Variants in HERC1 observed in about 807,000 individuals in gnomAD.
The protein encoded by HERC1 is HECT and RLD domain containing E3 ubiquitin protein ligase family member 1, also known as probable E3 ubiquitin-protein ligase HERC1.
HERC1 carries 160 observed loss-of-function variants against 554.3 expected under a neutral mutation model. The ratio of observed to expected loss-of-function variants is 0.29; its 90% CI spans 0.25 to 0.33. The LOEUF (loss-of-function observed/expected upper bound fraction) is 0.33. Among genes scored for constraint, HERC1 ranks in the 10% least tolerant of loss-of-function variants. The pLI, the probability that HERC1 is intolerant of heterozygous loss-of-function variation, is 1.00. For synonymous variants in HERC1, 2,175 were observed against 2,131.7 expected (o/e 1.02, Z -0.56); for missense variants, 4,919 against 5,918.5 (o/e 0.83, Z 5.54).
rs939356117 is a variant in HERC1, at chr15:63,692,439, T to C, written c.5802A>G (p.Leu1934=). 24 of 1,611,290 alleles carry C rather than the reference T, an allele frequency of 1.5e-5. No homozygotes were observed. The highest frequency in any genetic ancestry group is 1.9e-5 in the Non-Finnish European group (22 of 1,179,188). The change falls in exon 31 of 78, where the codon CTA becomes CTG. Residue 1934 remains leucine, a synonymous_variant. Transcript: ENST00000443617. This position sits in a 1 kb window ranked among gnomAD's most constrained non-coding sequence, Gnocchi z 4.7. The stretch of plus-strand genomic sequence containing the variant: ...AAGAACATTTCTGAGATGCTATATT[T>C]AGAAGCACTTCGGTCCACTTTGGGG... ...MASPKWTEVL[L]NIASQKCSSG...
intron 1 of HERC1, among the ~76,000 whole-genome samples, chr15:63,816,128 T>A (rs2077486013): frequency 6.6e-6 from 1 of 152,104 alleles, no homozygotes; most frequent in African/African-American, 2.4e-5. Context: ...GTTCCTCAGA[T>A]CACTAGTTCC....
At chr15:63,798,324 T>C (rs1158545558) in intron 1 of HERC1, among the ~76,000 whole-genome samples, 1 of 152,180 alleles carries the variant, frequency 6.6e-6, no homozygotes, top group Non-Finnish European at 1.5e-5. Flanking sequence ...GCTTAACCAG[T>C]TAAAGACTAA....
chr15:63,723,193 G>GC lies in HERC1; in HGVS notation c.3730dup (p.Ala1244GlyfsTer3). ...CTTCTTTATCTTACCTTTACTAACAGCATAGTCCTGCATGCTGATCCAAAG... is the reference window on the plus strand; with the variant it reads ...CTTCTTTATCTTACCTTTACTAACAGCCATAGTCCTGCATGCTGATCCAAAG... On this transcript the variant is annotated frameshift_variant, in exon 19 of 78. Coordinates refer to ENST00000443617, the MANE Select transcript of HERC1 (RefSeq NM_003922.4). LOFTEE classifies it high-confidence loss of function. 6.5e-7 allele frequency: 1 copy of GC among 1,526,862 alleles called. No homozygotes were observed. Among genetic ancestry groups the GC allele is most frequent in the Non-Finnish European group, 8.8e-7 (1 of 1,134,782 alleles). 94.6% of individuals were successfully genotyped at this position (1,526,862 alleles called of 1,614,324 possible).
intron 38 of HERC1, 149 bp from the exon 39 acceptor site, chr15:63,672,843 A>G: frequency 1.6e-6 from 1 of 623,452 alleles, no homozygotes; most frequent in Non-Finnish European, 2.8e-6. Flanking sequence ...ACAGAAAAAA[A>G]TATTCTTACT....
At position 63,706,830 on chromosome 15, in the gene HERC1, C is replaced by A. The variant is rs764779171; in HGVS notation, c.4586G>T (p.Ser1529Ile). The change falls in exon 25 of 78, where the codon AGT becomes ATT. Residue 1529 changes from serine (S) to isoleucine (I), a missense_variant and splice_region_variant. Around this residue, in one of 11 missense-constraint regions of HERC1, gnomAD observed 1,121 missense variants for 1,244.0 expected, o/e 0.90. Coordinates refer to ENST00000443617, the MANE Select transcript of HERC1 (RefSeq NM_003922.4). ...PESDEEGYAL[S>I]GRRNVDLDLA... is the part of the protein sequence containing the mutation. ...ATCCAAATCAACATTTCGTCTGCCA[C>A]TCTATTAAAAGTAAAAAGTAAATAA... The A allele has an allele frequency of 7.8e-6, 12 of 1,533,822 alleles. No homozygotes were observed. Among genetic ancestry groups the A allele is most frequent in the Middle Eastern group, 3.4e-4 (2 of 5,898 alleles).
At position 63,775,312 on chromosome 15, in the gene HERC1, T is replaced by C; in HGVS notation, c.312A>G (p.Arg104=). 6.2e-7 allele frequency: 1 copy of C among 1,614,036 alleles called. No individual in the cohort carries two copies. Among genetic ancestry groups the C allele is most frequent in the Non-Finnish European group, 8.5e-7 (1 of 1,179,882 alleles). ...CACGCTGGAGTACAAGCAGTCGTTT[T>C]CTAAGTGCCCCGGCAAATGGGGAAT... ...CSDSPFAGAL[R]KRLLVLQRVF... Residue 104 remains arginine (R), a synonymous_variant, in exon 2 of 78, where the codon AGA becomes AGG. Transcript: ENST00000443617. This position sits in a 1 kb window ranked among gnomAD's most constrained non-coding sequence, Gnocchi z 4.0.
intron 1 of HERC1, among the ~76,000 whole-genome samples, chr15:63,814,048 A>G (rs1434444684): frequency 6.6e-6 from 1 of 152,170 alleles, no homozygotes; most frequent in African/African-American, 2.4e-5. Context: ...GACAAGCGCA[A>G]AACTCCATCT....
At chr15:63,759,061 T>C (rs1213498237) in intron 3 of HERC1, among the ~76,000 whole-genome samples, 2 of 152,304 alleles carry the variant, frequency 1.3e-5, no homozygotes, top group Middle Eastern at 3.4e-3. Context: ...ATTTAGAGTC[T>C]ATTTATTTGT....
At chr15:63,619,112 G>A (rs2067953956) in intron 74 of HERC1, among the ~76,000 whole-genome samples, 1 of 152,170 alleles carries the variant, frequency 6.6e-6, no homozygotes, top group African/African-American at 2.4e-5. Context: ...TGCCCATTCA[G>A]TATGATATTG....
Position 63,734,849 on chromosome 15 carries a change from C to A in HERC1, c.2521G>T (p.Val841Leu), listed in dbSNP as rs756443576. ...DSTVPDEIQE[V>L]VIETLSVGAT... ...CCCACTGATAAAGTTTCAATTACCA[C>A]CTAATATCAAAAGAGAAAAGTATAC... Residue 841 changes from valine (V) to leucine (L), a missense_variant and splice_region_variant, in exon 13 of 78, where the codon GTG becomes TTG. Physicochemically the swap from Val to Leu is conservative, Grantham distance 32 (BLOSUM62 1). Around this residue, in one of 11 missense-constraint regions of HERC1, gnomAD observed 744 missense variants for 1,090.0 expected, o/e 0.68. Transcript: ENST00000443617. This position sits in a 1 kb window ranked among gnomAD's most constrained non-coding sequence, Gnocchi z 4.6. 6.2e-7 allele frequency: 1 copy of A among 1,608,966 alleles called. No individual in the cohort carries two copies. The highest frequency in any genetic ancestry group is 8.5e-7 in the Non-Finnish European group (1 of 1,177,576).
chr15:63,680,253 A>G lies in HERC1; in HGVS notation c.6466-93T>C. 2.0e-6 allele frequency: 2 copies of G among 975,838 alleles called. No individual in the cohort carries two copies. The highest frequency in any genetic ancestry group is 1.5e-6 in the Non-Finnish European group (1 of 648,734). The allele number at this position is 975,838 out of a possible 1,614,324, so 60.4% of individuals were successfully genotyped here. On this transcript the variant is annotated intron_variant, in intron 35 of 77. Transcript: ENST00000443617. This position sits in a 1 kb window ranked among gnomAD's most constrained non-coding sequence, Gnocchi z 5.8. ...CACATTAGAATTGAAAGCTTTTATG[A>G]GACAGAACAAAAGTTACTAGATCAA...
At chr15:63,814,659 G>C (rs1206864345) in intron 1 of HERC1, among the ~76,000 whole-genome samples, 1 of 152,150 alleles carries the variant, frequency 6.6e-6, no homozygotes, top group Admixed American at 6.5e-5. Flanking sequence ...AGTAGAGACA[G>C]GGTTTTGCCA....
intron 8 of HERC1, among the ~76,000 whole-genome samples, chr15:63,750,439 G>A (rs2075197155): frequency 6.6e-6 from 1 of 152,220 alleles, no homozygotes; most frequent in South Asian, 2.1e-4. Flanking sequence ...ATAGGTGACT[G>A]ACTGACAATT....
At chr15:63,693,717 G>A (rs1486062344) in intron 30 of HERC1, among the ~76,000 whole-genome samples, 1 of 152,188 alleles carries the variant, frequency 6.6e-6, no homozygotes, top group East Asian at 1.9e-4. Context: ...GACAGCCAAG[G>A]AGAGGCTGAA....
intron 1 of HERC1, among the ~76,000 whole-genome samples, chr15:63,804,993 GAA>G (rs571543822): frequency 6.5e-4 from 98 of 151,834 alleles, no homozygotes; most frequent in African/African-American, 2.2e-3. Context: ...ACTGCTGGTA[GAA>G]ATGTGACATG....
chr15:63,694,794 T>C lies in HERC1; in HGVS notation c.5222A>G (p.Gln1741Arg). 6.2e-7 allele frequency: 1 copy of C among 1,613,992 alleles called. No homozygotes were observed. The highest frequency in any genetic ancestry group is 8.5e-7 in the Non-Finnish European group (1 of 1,179,872). Residue 1741 changes from glutamine (Q) to arginine (R), a missense_variant, in exon 28 of 78, where the codon CAA becomes CGA. Physicochemically the swap from Gln to Arg is conservative, Grantham distance 43. This residue lies in a region of HERC1 where 1,121 missense variants were observed against 1,244.0 expected (regional missense o/e 0.90). Transcript: ENST00000443617. This position sits in a 1 kb window ranked among gnomAD's most constrained non-coding sequence, Gnocchi z 4.3. ...CTTACCAATGTGATGCTTGTTTGCT[T>C]GCAGGGCTCTTTCCAGGGTAGCAGA... ...QLSATLERAL[Q>R]ANKHHIEAQQ...
chr15:63,747,674 A>ACG (rs988089662), intron 11 of HERC1, 50 bp downstream of exon 11: 15 of 1,079,580 alleles, frequency 1.4e-5, no homozygotes, highest in Non-Finnish European at 1.6e-5. Context: ...ACATGCACAC[A>ACG]CGCGCGCGCA....
At chr15:63,691,149 A>G (rs1200154643) in intron 31 of HERC1, among the ~76,000 whole-genome samples, 1 of 152,212 alleles carries the variant, frequency 6.6e-6, no homozygotes, top group African/African-American at 2.4e-5. Flanking sequence ...GTTAACCGGG[A>G]GTAAACAGAC....
chr15:63,749,326 T>C lies in HERC1; in HGVS notation c.2219+41A>G. On this transcript the variant is annotated intron_variant, in intron 10 of 77. Transcript: ENST00000443617. The surrounding 1 kb of genome is among the most constrained non-coding windows in gnomAD (Gnocchi z 4.1). ...TGTTTCTACTTTTTATTGGTGTTTATGTTAAAACACACAAGAATTTTTAAA... is the reference window on the plus strand; with the variant it reads ...TGTTTCTACTTTTTATTGGTGTTTACGTTAAAACACACAAGAATTTTTAAA... 6.8e-7 allele frequency: 1 copy of C among 1,471,470 alleles called. No individual in the cohort carries two copies. Among genetic ancestry groups the C allele is most frequent in the Non-Finnish European group, 9.2e-7 (1 of 1,085,948 alleles). 91.2% of individuals were successfully genotyped at this position (1,471,470 alleles called of 1,614,324 possible).
Sources: allele counts gnomAD v4.1 joint callset (sites outside exome capture counted in the v4.1 genomes callset), GRCh38; gene constraint gnomAD v4.1.1; regional missense constraint gnomAD v4.1.1; non-coding constraint Gnocchi (gnomAD v3.1); transcripts MANE v1.5; gene names NCBI Gene and HGNC (gene_info 2026-07-23, HGNC 2026-07-21).